Variants in GPC6 observed in about 807,000 individuals in gnomAD.
GPC6 encodes glypican-6.
GPC6 carries 14 observed loss-of-function variants against 55.2 expected under a neutral mutation model. The observed-to-expected ratio is 0.25, with a 90% CI of 0.17 to 0.40. The LOEUF (loss-of-function observed/expected upper bound fraction) is 0.40, where lower values mean the gene tolerates loss of function less well. GPC6 is among the 10% of genes least tolerant of loss of function. The pLI is 1.00. For missense variants in GPC6, 641 were observed against 708.5 expected (o/e 0.90, Z 1.08); for synonymous variants, 278 against 259.6 (o/e 1.07, Z -0.68).
chr13:93,847,281 C>G (rs1036650210), intron 3 of GPC6, among the ~76,000 whole-genome samples: 6 of 152,160 alleles, frequency 3.9e-5, no homozygotes, highest in African/African-American at 1.4e-4. Context: ...TGGCACGTGT[C>G]TGTGGATGTT....
Position 93,398,609 on chromosome 13 carries a change from C to T in GPC6, c.161-146654C>T, listed in dbSNP as rs149956262. Among the ~76,000 whole-genome samples, 537 of 152,120 alleles carry T rather than the reference C, an allele frequency of 3.5e-3. 1 individual carries two copies. The highest frequency in any genetic ancestry group is 0.017 in the Middle Eastern group (5 of 294). On this transcript the variant is annotated intron_variant, in intron 1 of 8. Transcript: ENST00000377047. ...AGTATGACATTATATTAGGGTATGGCATGTGTGGAATAATCATTAATTAAT... is the reference window on the plus strand; with the variant it reads ...AGTATGACATTATATTAGGGTATGGTATGTGTGGAATAATCATTAATTAAT...
chr13:94,306,294 A>T (rs1021955109), intron 6 of GPC6, 171 bp downstream of exon 6: 4 of 729,776 alleles, frequency 5.5e-6, no homozygotes, highest in Non-Finnish European at 9.7e-6. Context: ...CTTTTGGGTC[A>T]TGTATTGGAT....
intron 4 of GPC6, among the ~76,000 whole-genome samples, chr13:94,172,788 CAT>C (rs1888618333): frequency 6.6e-6 from 1 of 152,096 alleles, no homozygotes; most frequent in Admixed American, 6.6e-5. Flanking sequence ...AGCCTCTTAA[CAT>C]ATATATAGGC....
intron 4 of GPC6, among the ~76,000 whole-genome samples, chr13:94,150,631 C>G (rs1291061496): frequency 1.3e-5 from 2 of 151,290 alleles, no homozygotes; most frequent in African/African-American, 4.9e-5. Context: ...TCTTTTTCTC[C>G]CTTCTGATAG....
chr13:93,370,836 G>T (rs922233508), intron 1 of GPC6, among the ~76,000 whole-genome samples: 1 of 152,244 alleles, frequency 6.6e-6, no homozygotes, highest in East Asian at 1.9e-4. Flanking sequence ...GTATCATTGC[G>T]TTGTAATTCC....
chr13:93,263,971 C>T (rs923537881), intron 1 of GPC6, among the ~76,000 whole-genome samples: 1 of 152,148 alleles, frequency 6.6e-6, no homozygotes, highest in Non-Finnish European at 1.5e-5. Context: ...TTGTTGCACA[C>T]CTCCAGGGGC....
chr13:93,993,654 T>G (rs190593768), intron 3 of GPC6, among the ~76,000 whole-genome samples: 1 of 152,280 alleles, frequency 6.6e-6, no homozygotes, highest in East Asian at 1.9e-4. Context: ...AAAATAAACA[T>G]CTCATCTACT....
intron 2 of GPC6, among the ~76,000 whole-genome samples, chr13:93,804,233 T>A (rs1886470045): frequency 6.6e-6 from 1 of 152,176 alleles, no homozygotes; most frequent in South Asian, 2.1e-4. Flanking sequence ...AAGCCTAAAA[T>A]TTTAAATGCT....
intron 4 of GPC6, among the ~76,000 whole-genome samples, chr13:94,179,137 G>C (rs1022607950): frequency 6.6e-6 from 1 of 152,154 alleles, no homozygotes; most frequent in South Asian, 2.1e-4. Context: ...TCCTGATCAT[G>C]TATTCATCAT....
intron 1 of GPC6, among the ~76,000 whole-genome samples, chr13:93,466,272 C>T (rs1422775322): frequency 6.6e-6 from 1 of 151,888 alleles, no homozygotes; most frequent in African/African-American, 2.4e-5. Context: ...ATGAAGCATG[C>T]CTGTATAAAG....
At chr13:94,113,661 C>G (rs1321094645) in intron 4 of GPC6, among the ~76,000 whole-genome samples, 2 of 152,034 alleles carry the variant, frequency 1.3e-5, no homozygotes, top group Non-Finnish European at 2.9e-5. Flanking sequence ...ATATTCAAAT[C>G]CAGCCAACTA....
chr13:94,271,147 T>G (rs542354894), intron 4 of GPC6, among the ~76,000 whole-genome samples: 3 of 144,498 alleles, frequency 2.1e-5, no homozygotes, highest in African/African-American at 7.8e-5. Flanking sequence ...CCCGCCACCA[T>G]GCCCGGCTAA....
intron 2 of GPC6, among the ~76,000 whole-genome samples, chr13:93,568,665 G>T (rs1406566063): frequency 6.6e-6 from 1 of 152,152 alleles, no homozygotes; most frequent in African/African-American, 2.4e-5. Context: ...ATCTAGCTCG[G>T]TGTGAGACCT....
At chr13:93,415,726 A>T (rs1014040493) in intron 1 of GPC6, among the ~76,000 whole-genome samples, 24 of 152,084 alleles carry the variant, frequency 1.6e-4, no homozygotes, top group African/African-American at 5.3e-4. Context: ...ATTTTAATTT[A>T]CATTTATTTG....
At chr13:94,389,523 T>C (rs1343669513) in intron 7 of GPC6, among the ~76,000 whole-genome samples, 3 of 152,174 alleles carry the variant, frequency 2.0e-5, no homozygotes, top group Admixed American at 2.0e-4. Flanking sequence ...TTTTTGCTCA[T>C]AAAGAGGCAG....
At chr13:93,837,492 C>T (rs1296783762) in intron 3 of GPC6, among the ~76,000 whole-genome samples, 1 of 152,080 alleles carries the variant, frequency 6.6e-6, no homozygotes, top group African/African-American at 2.4e-5. Flanking sequence ...AAAACAGAGC[C>T]ACTATAGAGA....
intron 3 of GPC6, among the ~76,000 whole-genome samples, chr13:93,893,352 G>A (rs1013479817): frequency 3.9e-5 from 6 of 151,950 alleles, no homozygotes; most frequent in South Asian, 4.2e-4. Context: ...CACCGCTCCC[G>A]GCCATTAAAA....
At chr13:93,883,301 G>A (rs1054673210) in intron 3 of GPC6, among the ~76,000 whole-genome samples, 8 of 151,790 alleles carry the variant, frequency 5.3e-5, no homozygotes, top group Non-Finnish European at 1.2e-4. Context: ...AGTTTTCACA[G>A]CCTTTACATC....
intron 6 of GPC6, among the ~76,000 whole-genome samples, chr13:94,368,086 T>G (rs1594211713): frequency 6.8e-6 from 1 of 147,512 alleles, no homozygotes; most frequent in East Asian, 2.0e-4. Flanking sequence ...GAGGCGGGGG[T>G]TGCAGTGAGC....
Sources: allele counts gnomAD v4.1 joint callset (sites outside exome capture counted in the v4.1 genomes callset), GRCh38; gene constraint gnomAD v4.1.1; transcripts MANE v1.5; gene names NCBI Gene and HGNC (gene_info 2026-07-23, HGNC 2026-07-21).